CCSER1: variants seen among roughly 807,000 people sequenced by gnomAD.
CCSER1 encodes coiled-coil serine rich protein 1, also known as serine-rich coiled-coil domain-containing protein 1.
CCSER1 carries 41 observed loss-of-function variants against 82.0 expected under a neutral mutation model. The observed-to-expected ratio is 0.50, with a 90% CI of 0.39 to 0.65. The LOEUF (loss-of-function observed/expected upper bound fraction) is 0.65. Ranked by LOEUF, CCSER1 falls within the 30% of genes least tolerant of loss-of-function variation. CCSER1 has a pLI of 0.00. For synonymous variants in CCSER1, 414 were observed against 383.9 expected (o/e 1.08, Z -0.92); for missense variants, 1,119 against 1,064.2 (o/e 1.05, Z -0.72).
chr4:91,225,617 A>G (rs1345378073), intron 10 of CCSER1, among the ~76,000 whole-genome samples: 2 of 151,604 alleles, frequency 1.3e-5, no homozygotes, highest in South Asian at 2.1e-4. Flanking sequence ...ATTGTTAAGA[A>G]CCCACAAAGG....
chr4:90,145,985 G>A (rs72874395), intron 1 of CCSER1, among the ~76,000 whole-genome samples: 42,868 of 151,788 alleles, frequency 0.28, 7,654 homozygotes, highest in East Asian at 0.65. Flanking sequence ...TATATGGCTT[G>A]ATAATTGGCA....
At chr4:91,476,393 T>G (rs1273264694) in intron 10 of CCSER1, among the ~76,000 whole-genome samples, 1 of 151,696 alleles carries the variant, frequency 6.6e-6, no homozygotes, top group South Asian at 2.1e-4. Flanking sequence ...ATTAGTGATG[T>G]TGAGCATTTT....
intron 8 of CCSER1, among the ~76,000 whole-genome samples, chr4:90,844,200 G>T (rs1762920488): frequency 6.6e-6 from 1 of 151,132 alleles, no homozygotes; most frequent in South Asian, 2.1e-4. Context: ...TATAGATTGA[G>T]AATATATATA....
intron 6 of CCSER1, among the ~76,000 whole-genome samples, chr4:90,698,273 T>C (rs1011052777): frequency 6.6e-6 from 1 of 152,186 alleles, no homozygotes; most frequent in African/African-American, 2.4e-5. Flanking sequence ...GTAAGGAATG[T>C]AGTCAGTGCT....
intron 6 of CCSER1, among the ~76,000 whole-genome samples, chr4:90,638,182 C>T (rs993014420): frequency 6.6e-6 from 1 of 152,124 alleles, no homozygotes; most frequent in African/African-American, 2.4e-5. Flanking sequence ...AGGTACTCTG[C>T]AGCACCACAT....
intron 10 of CCSER1, among the ~76,000 whole-genome samples, chr4:91,339,643 A>G (rs192653195): frequency 2.9e-4 from 44 of 152,128 alleles, no homozygotes; most frequent in Non-Finnish European, 2.9e-5. Context: ...TTTTTTCTTT[A>G]CCAAAATCTT....
chr4:91,385,681 T>C (rs77036235), intron 10 of CCSER1, among the ~76,000 whole-genome samples: 2,984 of 152,032 alleles, frequency 0.02, 78 homozygotes, highest in African/African-American at 0.067. Context: ...TTGGATTTTA[T>C]TGCCTGCCCC....
At chr4:90,185,975 C>T (rs1734541810) in intron 1 of CCSER1, among the ~76,000 whole-genome samples, 1 of 151,876 alleles carries the variant, frequency 6.6e-6, no homozygotes, top group African/African-American at 2.4e-5. Flanking sequence ...CATATTGTGC[C>T]ACATTAGGTT....
intron 9 of CCSER1, among the ~76,000 whole-genome samples, chr4:91,032,659 A>G (rs981369445): frequency 2.0e-5 from 3 of 152,226 alleles, no homozygotes; most frequent in African/African-American, 4.8e-5. Flanking sequence ...TGCAGGAAAT[A>G]GGGAGATACT....
intron 10 of CCSER1, among the ~76,000 whole-genome samples, chr4:91,221,708 G>A (rs918042321): frequency 2.6e-5 from 4 of 152,082 alleles, no homozygotes; most frequent in Admixed American, 2.6e-4. Flanking sequence ...GAGGTTAAAA[G>A]ATGTTCAGGT....
intron 10 of CCSER1, among the ~76,000 whole-genome samples, chr4:91,107,510 C>T (rs1464925368): frequency 6.6e-6 from 1 of 152,132 alleles, no homozygotes; most frequent in East Asian, 1.9e-4. Context: ...CCGCCTTGGC[C>T]TCCCATAGTG....
At chr4:90,516,630 T>C (rs1377219874) in intron 5 of CCSER1, among the ~76,000 whole-genome samples, 3 of 152,320 alleles carry the variant, frequency 2.0e-5, no homozygotes, top group African/African-American at 7.2e-5. Context: ...AGGCTGATCA[T>C]CTATTGCCTA....
At chr4:90,276,843 T>C (rs1727915836) in intron 1 of CCSER1, among the ~76,000 whole-genome samples, 1 of 152,184 alleles carries the variant, frequency 6.6e-6, no homozygotes, top group Admixed American at 6.5e-5. Context: ...TTTAATGTTT[T>C]GTTTTTTTTG....
At chr4:90,503,560 C>A (rs1055155124) in intron 5 of CCSER1, among the ~76,000 whole-genome samples, 2 of 152,142 alleles carry the variant, frequency 1.3e-5, no homozygotes, top group African/African-American at 2.4e-5. Flanking sequence ...TATCCCTCCC[C>A]ACTCCCTCAA....
chr4:90,674,569 A>G (rs1453630316), intron 6 of CCSER1, among the ~76,000 whole-genome samples: 1 of 151,978 alleles, frequency 6.6e-6, no homozygotes, highest in Non-Finnish European at 1.5e-5. Flanking sequence ...GCATTGTTTT[A>G]TTACCAAACA....
At chr4:90,198,013 A>G (rs1322462602) in intron 1 of CCSER1, among the ~76,000 whole-genome samples, 1 of 152,136 alleles carries the variant, frequency 6.6e-6, no homozygotes, top group Non-Finnish European at 1.5e-5. Flanking sequence ...CACATTGCAT[A>G]CCTGTATCAA....
intron 10 of CCSER1, among the ~76,000 whole-genome samples, chr4:91,286,123 A>T (rs1743256824): frequency 6.6e-6 from 1 of 151,618 alleles, no homozygotes; most frequent in South Asian, 2.1e-4. Flanking sequence ...CAGTCAAGAA[A>T]TTTTCCTTAA....
chr4:91,469,943 C>T (rs1229580422), intron 10 of CCSER1, among the ~76,000 whole-genome samples: 2 of 152,116 alleles, frequency 1.3e-5, no homozygotes, highest in Non-Finnish European at 2.9e-5. Flanking sequence ...ATTTGCTTTG[C>T]TCATTCATAA....
chr4:90,369,837 G>A (rs1747064857), intron 3 of CCSER1, among the ~76,000 whole-genome samples: 1 of 151,968 alleles, frequency 6.6e-6, no homozygotes, highest in African/African-American at 2.4e-5. Context: ...TGATAAATGT[G>A]TTGCATTTTC....
Sources: gnomAD v4.1 joint callset for allele counts (sites outside exome capture counted in the v4.1 genomes callset) on GRCh38, gnomAD v4.1.1 for gene constraint, MANE v1.5 for transcripts, NCBI Gene and HGNC (gene_info 2026-07-23, HGNC 2026-07-21) for gene names.